MTCL2: variants seen among roughly 807,000 people sequenced by gnomAD.
The protein encoded by MTCL2 is microtubule cross-linking factor 2.
the MTCL2 span, chr20:36,862,933 G>A: frequency 3.2e-5 from 44 of 1,374,820 alleles, 1 homozygote; most frequent in South Asian, 6.2e-4. Flanking sequence ...CTCAGCGCCA[G>A]CTCCAGGCCC....
the MTCL2 span, chr20:36,862,961 C>G: frequency 7.1e-7 from 1 of 1,405,430 alleles, no homozygotes; most frequent in Non-Finnish European, 9.3e-7. Flanking sequence ...GCGCCTCCTC[C>G]GACGCGCAGT....
At chr20:36,861,286 G>T in the MTCL2 span, among the ~76,000 whole-genome samples, 9 of 152,224 alleles carry the variant, frequency 5.9e-5, no homozygotes, top group African/African-American at 2.2e-4. Flanking sequence ...TCAAAGAGCC[G>T]ACTGAACTCC....
At chr20:36,836,341 ATTTTTTTTTTTTT>A in the MTCL2 span, among the ~76,000 whole-genome samples, 1 of 85,450 alleles carries the variant, frequency 1.2e-5, no homozygotes, top group South Asian at 3.9e-4. Context: ...CGCCCAGCTA[ATTTTTTTTTTTTT>A]TTTTTTTTTT....
chr20:36,860,392 CA>C, the MTCL2 span, among the ~76,000 whole-genome samples: 1 of 152,150 alleles, frequency 6.6e-6, no homozygotes, highest in African/African-American at 2.4e-5. Context: ...CTGGTCTCCC[CA>C]AAAGCTCTAT....
the MTCL2 span, among the ~76,000 whole-genome samples, chr20:36,826,818 AAT>A: frequency 1.3e-5 from 2 of 152,146 alleles, no homozygotes; most frequent in African/African-American, 2.4e-5. Context: ...CGGGTGTGTA[AAT>A]ATCTCTTTGA....
the MTCL2 span, among the ~76,000 whole-genome samples, chr20:36,836,840 C>G: frequency 2.6e-5 from 4 of 152,166 alleles, no homozygotes; most frequent in African/African-American, 9.7e-5. Flanking sequence ...GCACTACAAT[C>G]CCATTGTGCA....
At chr20:36,812,917 C>A in the MTCL2 span, 8 of 1,521,550 alleles carry the variant, frequency 5.3e-6, no homozygotes, top group Non-Finnish European at 6.2e-6. Flanking sequence ...CCAGAAACAC[C>A]CACCCCAGGC....
the MTCL2 span, among the ~76,000 whole-genome samples, chr20:36,849,810 G>T: frequency 1.3e-5 from 2 of 152,208 alleles, no homozygotes; most frequent in African/African-American, 4.8e-5. Flanking sequence ...CAGATGCATG[G>T]CTATGACGGA....
At chr20:36,856,406 G>A in the MTCL2 span, among the ~76,000 whole-genome samples, 7 of 152,236 alleles carry the variant, frequency 4.6e-5, no homozygotes, top group African/African-American at 1.2e-4. Flanking sequence ...GGAGTGGCAT[G>A]GCCCTCTGCA....
chr20:36,855,291 G>A, the MTCL2 span, among the ~76,000 whole-genome samples: 3 of 152,212 alleles, frequency 2.0e-5, no homozygotes, highest in Non-Finnish European at 2.9e-5. Context: ...GCTCAGAAAG[G>A]AAAAGGCAGA....
At chr20:36,863,375 C>T in the MTCL2 span, 1 of 1,157,624 alleles carries the variant, frequency 8.6e-7, no homozygotes, top group Non-Finnish European at 1.1e-6. The surrounding 1 kb of genome is among the most constrained non-coding windows in gnomAD (Gnocchi z 6.2). Flanking sequence ...GCGAGCTGCG[C>T]GCATGGCCCA....
the MTCL2 span, among the ~76,000 whole-genome samples, chr20:36,798,739 C>T: frequency 6.6e-6 from 1 of 152,182 alleles, no homozygotes; most frequent in Admixed American, 6.5e-5. Flanking sequence ...GAAAGCATAT[C>T]TTACGTGGTT....
chr20:36,838,054 T>TC, the MTCL2 span, among the ~76,000 whole-genome samples: 1 of 148,628 alleles, frequency 6.7e-6, no homozygotes, highest in African/African-American at 2.5e-5. Flanking sequence ...TTCTCTTTGT[T>TC]TTTTTTTTTT....
At chr20:36,777,557 G>C in the MTCL2 span, 1 of 412,564 alleles carries the variant, frequency 2.4e-6, no homozygotes, top group Non-Finnish European at 4.3e-6. Flanking sequence ...GGGAGAGCTG[G>C]TGGATTGGAC....
At chr20:36,861,417 T>C in the MTCL2 span, among the ~76,000 whole-genome samples, 2 of 152,106 alleles carry the variant, frequency 1.3e-5, no homozygotes, top group Non-Finnish European at 2.9e-5. Flanking sequence ...CCTTCCATAC[T>C]ACAAGCATTT....
the MTCL2 span, among the ~76,000 whole-genome samples, chr20:36,858,461 AAAACACACACACACACACACACACACAC>A: frequency 3.8e-4 from 16 of 42,184 alleles, 1 homozygote; most frequent in African/African-American, 7.2e-4. Context: ...CCAAGGAGGG[AAAACACACACACACACACACACACACAC>A]ACACACACAC....
At chr20:36,832,544 A>C in the MTCL2 span, among the ~76,000 whole-genome samples, 1 of 152,194 alleles carries the variant, frequency 6.6e-6, no homozygotes, top group Non-Finnish European at 1.5e-5. Context: ...GTATCAAAAG[A>C]AAGCACAGGC....
the MTCL2 span, chr20:36,829,022 G>T: frequency 2.6e-6 from 4 of 1,516,912 alleles, no homozygotes; most frequent in Admixed American, 2.1e-5. Context: ...ACCTGCCCTA[G>T]GCTGGCCCTG....
the MTCL2 span, among the ~76,000 whole-genome samples, chr20:36,855,204 C>A: frequency 6.6e-6 from 1 of 152,232 alleles, no homozygotes; most frequent in East Asian, 1.9e-4. Flanking sequence ...CTTACGGAAC[C>A]CTCACGGCAA....
Sources: gnomAD v4.1 joint callset for allele counts (sites outside exome capture counted in the v4.1 genomes callset) on GRCh38, gnomAD v4.1.1 for gene constraint, Gnocchi (gnomAD v3.1) non-coding constraint, MANE v1.5 for transcripts, NCBI Gene and HGNC (gene_info 2026-07-23, HGNC 2026-07-21) for gene names.